The following TPRA1 variants were observed in gnomAD, a reference collection of about 807,000 sequenced individuals.
The protein encoded by TPRA1 is transmembrane protein adipocyte-associated 1.
TPRA1 carries 28 observed loss-of-function variants against 40.1 expected under a neutral mutation model. The observed-to-expected ratio is 0.70, with a 90% CI of 0.52 to 0.96. TPRA1 has a LOEUF of 0.96. Among genes scored for constraint, TPRA1 ranks in the 40% least tolerant of loss-of-function variants. The pLI is 0.00. For missense variants in TPRA1, 441 were observed against 482.6 expected (o/e 0.91, Z 0.81); for synonymous variants, 219 against 209.7 (o/e 1.04, Z -0.38).
Position 127,583,774 on chromosome 3 carries a change from G to A in TPRA1, c.-17-3611C>T, listed in dbSNP as rs377425917. 3.3e-5 allele frequency among the ~76,000 whole-genome samples: 5 copies of A among 151,924 alleles called. No individual in the cohort carries two copies. The East Asian group carries it at 7.8e-4, about 24-fold the overall frequency. ...CAACCTCTGCCTCCCAGGTTCAAGC[G>A]ATTCCCCTGCCTCAGCCTCCCGAGT... On this transcript the variant is annotated intron_variant, in intron 1 of 10. Coordinates refer to ENST00000355552, the MANE Select transcript of TPRA1 (RefSeq NM_001136053.4).
chr3:127,589,334 C>T (rs938012442), intron 1 of TPRA1, among the ~76,000 whole-genome samples: 6 of 152,028 alleles, frequency 3.9e-5, no homozygotes, highest in Non-Finnish European at 7.4e-5. Flanking sequence ...CCCACAGCTA[C>T]CGGATAGGAA....
Position 127,572,982 on chromosome 3 carries a change from C to G in TPRA1, c.*539G>C, listed in dbSNP as rs995194281. ...ACTGCTCCTTGGTTGAGCAGAGGCC[C>G]CCTGAGCCTCCCAGCCCCTCACCCA... On this transcript the variant is annotated 3_prime_UTR_variant, in exon 11 of 11. Transcript: ENST00000355552. 6.6e-6 allele frequency: 1 copy of G among 152,308 alleles called. No individual in the cohort carries two copies. The highest frequency in any genetic ancestry group is 1.5e-5 in the Non-Finnish European group (1 of 68,130). The allele number at this position is 152,308 out of a possible 1,614,324, so 9.4% of individuals were successfully genotyped here.
At chr3:127,574,898 C>T in intron 10 of TPRA1, 1 of 481,310 alleles carries the variant, frequency 2.1e-6, no homozygotes, top group South Asian at 2.2e-5. Context: ...GTGCATATGC[C>T]CGTGTGTATC....
chr3:127,575,063 T>TGTGC, intron 10 of TPRA1, 122 bp downstream of exon 10: 1 of 1,050,182 alleles, frequency 9.5e-7, no homozygotes, highest in East Asian at 2.5e-5. Flanking sequence ...CATGTATGTA[T>TGTGC]GTGCGTGCGC....
intron 1 of TPRA1, among the ~76,000 whole-genome samples, chr3:127,596,541 C>T (rs530123871): frequency 5.9e-5 from 9 of 152,210 alleles, no homozygotes; most frequent in Non-Finnish European, 1.2e-4. Flanking sequence ...TAGACCTTCT[C>T]ATCTCCCTGC....
chr3:127,587,675 C>CTTTT (rs1171996656), intron 1 of TPRA1, among the ~76,000 whole-genome samples: 3 of 129,738 alleles, frequency 2.3e-5, no homozygotes, highest in African/African-American at 5.7e-5. Flanking sequence ...TGCTGCTTTT[C>CTTTT]TTTTTTTTTT....
At position 127,573,409 on chromosome 3, in the gene TPRA1, A is replaced by C; in HGVS notation, c.*112T>G. Reference sequence around the variant, plus strand: ...CCAGACTCATGGTGGGAACAGGGCCACACAGGGCTACTGCCCACAGAACGT... The same window carrying C: ...CCAGACTCATGGTGGGAACAGGGCCCCACAGGGCTACTGCCCACAGAACGT... On this transcript the variant is annotated 3_prime_UTR_variant, in exon 11 of 11. Coordinates refer to ENST00000355552, the MANE Select transcript of TPRA1 (RefSeq NM_001136053.4). 2.9e-6 allele frequency: 4 copies of C among 1,387,030 alleles called. No individual in the cohort carries two copies. Among genetic ancestry groups the C allele is most frequent in the Non-Finnish European group, 3.8e-6 (4 of 1,044,648 alleles). 85.9% of individuals were successfully genotyped at this position (1,387,030 alleles called of 1,614,324 possible).
In TPRA1 at chr3:127,573,755, G is replaced by GC; in HGVS notation, c.887dup (p.Cys296TrpfsTer54). ...CTGGCTCCTCTGTCTCGTCCACTTG[G>GC]CATTTGTAGGAGAAGAGGATCTTGG... is the stretch of plus-strand genomic sequence containing the variant. On this transcript the variant is annotated frameshift_variant, in exon 11 of 11. Coordinates refer to ENST00000355552, the MANE Select transcript of TPRA1 (RefSeq NM_001136053.4). LOFTEE classifies it high-confidence loss of function. 1 of 1,586,350 alleles carries GC rather than the reference G, an allele frequency of 6.3e-7. No individual in the cohort carries two copies. The highest frequency in any genetic ancestry group is 8.6e-7 in the Non-Finnish European group (1 of 1,160,484).
intron 1 of TPRA1, among the ~76,000 whole-genome samples, chr3:127,584,498 A>T (rs1196876196): frequency 6.8e-6 from 1 of 147,604 alleles, no homozygotes; most frequent in Non-Finnish European, 1.5e-5. Context: ...ACTTCTAGAG[A>T]TAAATGCTAA....
At chr3:127,579,919 C>CA (rs1484434242) in intron 2 of TPRA1, 47 bp from the exon 3 acceptor site, 1 of 1,609,868 alleles carries the variant, frequency 6.2e-7, no homozygotes, top group Non-Finnish European at 8.5e-7. Flanking sequence ...GCCACATATG[C>CA]ACCCCCTCTC....
Position 127,573,476 on chromosome 3 carries a change from TG to T in TPRA1, c.*44del. On this transcript the variant is annotated 3_prime_UTR_variant, in exon 11 of 11. Transcript: ENST00000355552. The stretch of plus-strand genomic sequence containing the variant: ...CCTCCCCTGGGGACTCTGGGCCTGC[TG>T]GCCTCCTCTCTGGCCTGTCCTCCAC... 6.4e-7 allele frequency: 1 copy of T among 1,572,358 alleles called. No individual in the cohort carries two copies. Among genetic ancestry groups the T allele is most frequent in the Non-Finnish European group, 8.6e-7 (1 of 1,158,108 alleles).
At chr3:127,581,917 A>C (rs1351811810) in intron 1 of TPRA1, among the ~76,000 whole-genome samples, 5 of 148,330 alleles carry the variant, frequency 3.4e-5, no homozygotes, top group Non-Finnish European at 7.5e-5. Context: ...GCGAGACTCC[A>C]TCTCAAAAAA....
rs530890978 is a variant in TPRA1 at position 127,573,209 on chromosome 3, G to A, written c.*312C>T. ...CATTGGGAGAGCCAGCCCTGCCCTC[G>A]TGCCAAGGGTGCAGAGAAGGAGGGT... On this transcript the variant is annotated 3_prime_UTR_variant, in exon 11 of 11. Coordinates refer to ENST00000355552, the MANE Select transcript of TPRA1 (RefSeq NM_001136053.4). 11 of 290,864 alleles carry A rather than the reference G, an allele frequency of 3.8e-5. No individual in the cohort carries two copies. Among genetic ancestry groups the A allele is most frequent in the Admixed American group, 2.3e-4 (5 of 21,280 alleles). 18.0% of individuals were successfully genotyped at this position (290,864 alleles called of 1,614,324 possible). A position where few individuals can be genotyped will look rare whatever the true frequency, so the allele number is the denominator to read the frequency against.
chr3:127,589,811 C>G (rs934389864), intron 1 of TPRA1, among the ~76,000 whole-genome samples: 11 of 152,312 alleles, frequency 7.2e-5, no homozygotes, highest in African/African-American at 2.6e-4. Context: ...TGGCACGACA[C>G]GAGCCCTCAA....
At chr3:127,581,653 C>G (rs1221693433) in intron 1 of TPRA1, among the ~76,000 whole-genome samples, 1 of 151,938 alleles carries the variant, frequency 6.6e-6, no homozygotes, top group African/African-American at 2.4e-5. Context: ...TGGCTCATGC[C>G]TGTAATCCTA....
At chr3:127,595,891 T>C (rs895635151) in intron 1 of TPRA1, among the ~76,000 whole-genome samples, 2 of 152,086 alleles carry the variant, frequency 1.3e-5, no homozygotes, top group Admixed American at 6.5e-5. Context: ...AATCCTATCA[T>C]GTGAAGAAGC....
intron 3 of TPRA1, among the ~76,000 whole-genome samples, chr3:127,577,842 G>A (rs1262000421): frequency 2.6e-5 from 4 of 152,226 alleles, no homozygotes; most frequent in Non-Finnish European, 1.5e-5. Context: ...TGGCCTCAGG[G>A]CTAGTTCAGG....
chr3:127,575,549 G>C, intron 8 of TPRA1, 44 bp from the exon 9 acceptor site: 3 of 1,498,372 alleles, frequency 2.0e-6, no homozygotes, highest in Non-Finnish European at 2.7e-6. Context: ...ACCCTGGACA[G>C]GCCAGGCTCT....
At chr3:127,591,732 C>T (rs901315396), upstream of TPRA1, among the ~76,000 whole-genome samples, 7 of 152,184 alleles carry the variant, frequency 4.6e-5, no homozygotes, top group African/African-American at 1.7e-4. Flanking sequence ...ACCTGCCTCC[C>T]CGTCCAGTCT....
Sources: allele counts gnomAD v4.1 joint callset (sites outside exome capture counted in the v4.1 genomes callset), GRCh38; gene constraint gnomAD v4.1.1; transcripts MANE v1.5; gene names NCBI Gene and HGNC (gene_info 2026-07-23, HGNC 2026-07-21).